The following TOR1AIP1 variants were observed in gnomAD, a reference collection of about 807,000 sequenced individuals.
The protein encoded by TOR1AIP1 is torsin-1A-interacting protein 1.
TOR1AIP1 carries 54 observed loss-of-function variants against 63.3 expected under a neutral mutation model. The ratio of observed to expected loss-of-function variants is 0.85; its 90% confidence interval spans 0.69 to 1.07. TOR1AIP1 has a LOEUF of 1.07. TOR1AIP1 is among the 50% of genes least tolerant of loss of function. TOR1AIP1 has a pLI of 0.00. For synonymous variants in TOR1AIP1, 294 were observed against 273.5 expected (o/e 1.07, Z -0.74); for missense variants, 736 against 715.0 (o/e 1.03, Z -0.33).
intron 5 of TOR1AIP1, among the ~76,000 whole-genome samples, chr1:179,903,511 CT>C (rs763903698): frequency 2.2e-3 from 306 of 141,500 alleles, no homozygotes; most frequent in Middle Eastern, 7.1e-3. Context: ...CTTTTTTAAC[CT>C]TTTTTTTTTT....
chr1:179,899,911 C>A (rs932126559), intron 3 of TOR1AIP1, among the ~76,000 whole-genome samples: 1 of 152,228 alleles, frequency 6.6e-6, no homozygotes, highest in Non-Finnish European at 1.5e-5. Flanking sequence ...TCCCAAAGTG[C>A]CGGGATTATA....
chr1:179,890,196 A>G (rs980860117), intron 3 of TOR1AIP1, among the ~76,000 whole-genome samples: 3 of 152,186 alleles, frequency 2.0e-5, no homozygotes, highest in South Asian at 4.1e-4. Flanking sequence ...TTTGACTAAA[A>G]CGATTAAAAG....
chr1:179,917,265 C>T (rs977232566), intron 9 of TOR1AIP1, among the ~76,000 whole-genome samples, 187 bp from the exon 10 acceptor site: 1 of 152,042 alleles, frequency 6.6e-6, no homozygotes, highest in Non-Finnish European at 1.5e-5. Flanking sequence ...AATTCAAAGC[C>T]TATGCATGTA....
Position 179,882,351 on chromosome 1 carries a change from C to T in TOR1AIP1, c.-152C>T. ...AGGCAGGTTTGCTACACAGCAGCGA[C>T]GACGCAGGCGGCGGCCCCAGCGACT... is the stretch of plus-strand genomic sequence containing the variant. On this transcript the variant is annotated 5_prime_UTR_variant, in exon 1 of 10. In the 5' UTR this introduces an upstream ATG that the reference lacks. Coordinates refer to ENST00000606911, the MANE Select transcript of TOR1AIP1 (RefSeq NM_015602.4). The T allele has an allele frequency of 2.8e-6, 2 of 712,910 alleles. No individual in the cohort carries two copies. Among genetic ancestry groups the T allele is most frequent in the Non-Finnish European group, 4.2e-6 (2 of 478,908 alleles). 44.2% of individuals were successfully genotyped at this position (712,910 alleles called of 1,614,324 possible). A position where few individuals can be genotyped will look rare whatever the true frequency, so the allele number is the denominator to read the frequency against.
At chr1:179,884,667 A>G in intron 1 of TOR1AIP1, 25 bp from the exon 2 acceptor site, 2 of 1,580,712 alleles carry the variant, frequency 1.3e-6, no homozygotes, top group Non-Finnish European at 1.7e-6. Flanking sequence ...TCTGAATTTT[A>G]ACTCTTGTTA....
chr1:179,888,938 T>C (rs1280783377), intron 2 of TOR1AIP1, among the ~76,000 whole-genome samples: 1 of 152,198 alleles, frequency 6.6e-6, no homozygotes, highest in East Asian at 1.9e-4. Context: ...ATTCCATAAA[T>C]AATCCACAAT....
At chr1:179,896,989 A>G (rs1016063045) in intron 3 of TOR1AIP1, among the ~76,000 whole-genome samples, 2 of 152,204 alleles carry the variant, frequency 1.3e-5, no homozygotes, top group Admixed American at 6.5e-5. Flanking sequence ...GGGGATTATT[A>G]TTATTTAAGA....
chr1:179,912,011 CTTTTTT>C (rs760415120), intron 8 of TOR1AIP1, among the ~76,000 whole-genome samples: 1 of 45,896 alleles, frequency 2.2e-5, no homozygotes. Context: ...TCTTTTTTTT[CTTTTTT>C]TTTTCTTTTT....
chr1:179,896,448 CT>C (rs1463005820), intron 3 of TOR1AIP1, among the ~76,000 whole-genome samples: 2 of 144,842 alleles, frequency 1.4e-5, no homozygotes, highest in African/African-American at 5.1e-5. Flanking sequence ...AGTGACCGAC[CT>C]AAGTGCTAGG....
In TOR1AIP1 at chr1:179,918,235, T is replaced by G; in HGVS notation, c.1748T>G (p.Leu583Ter). ...AATGCCCTGAAAAGGGGCATCTGCTTATAAGAAGTGAGAGAGAAGAAAAAT... is the reference window on the plus strand; with the variant it reads ...AATGCCCTGAAAAGGGGCATCTGCTGATAAGAAGTGAGAGAGAAGAAAAAT... Reference protein sequence around the residue: ...PENALKRGICL With the variant: ...PENALKRGIC Residue 583 changes from leucine (L) to a stop codon, truncating the protein, a stop_gained, in exon 10 of 10, where the codon TTA (leucine) becomes TGA (stop). Transcript: ENST00000606911. LOFTEE classifies it high-confidence loss of function. 1 of 1,583,932 alleles carries G rather than the reference T, an allele frequency of 6.3e-7. No individual in the cohort carries two copies. Among genetic ancestry groups the G allele is most frequent in the Non-Finnish European group, 8.5e-7 (1 of 1,172,950 alleles).
At chr1:179,892,237 T>C (rs1327269422) in intron 3 of TOR1AIP1, among the ~76,000 whole-genome samples, 1 of 151,968 alleles carries the variant, frequency 6.6e-6, no homozygotes, top group Non-Finnish European at 1.5e-5. Context: ...TTTGGGAGGC[T>C]GAGGTGGGCA....
At chr1:179,904,418 T>C (rs1415977690) in intron 6 of TOR1AIP1, among the ~76,000 whole-genome samples, 1 of 152,190 alleles carries the variant, frequency 6.6e-6, no homozygotes, top group Non-Finnish European at 1.5e-5. Context: ...TTTGGAAGGA[T>C]GAATAAATAA....
Position 179,882,745 on chromosome 1 carries a change from G to C in TOR1AIP1, c.243G>C (p.Val81=), listed in dbSNP as rs780446434. 31 of 1,614,174 alleles carry C rather than the reference G, an allele frequency of 1.9e-5. No homozygotes were observed. Among genetic ancestry groups the C allele is most frequent in the South Asian group, 1.8e-4 (16 of 91,078 alleles). The stretch of plus-strand genomic sequence containing the variant: ...TGGTGGCCAAAGAAAGGTCCCCGGT[G>C]GGAAAACGAACCCGGCTAGAAGAGT... The part of the protein sequence containing the change: ...EPLVAKERSP[V]GKRTRLEEFR... Residue 81 remains valine, a synonymous_variant, in exon 1 of 10, where the codon GTG becomes GTC. Coordinates refer to ENST00000606911, the MANE Select transcript of TOR1AIP1 (RefSeq NM_015602.4).
At chr1:179,900,322 C>T (rs1648409983) in intron 4 of TOR1AIP1, 155 bp downstream of exon 4, 1 of 498,682 alleles carries the variant, frequency 2.0e-6, no homozygotes, top group Non-Finnish European at 3.7e-6. Context: ...GCAGGAAGAT[C>T]ACTTAAGTCC....
At position 179,882,475 on chromosome 1, in the gene TOR1AIP1, G is replaced by C; in HGVS notation, c.-28G>C. The C allele has an allele frequency of 7.0e-7, 1 of 1,418,718 alleles. No homozygotes were observed. The highest frequency in any genetic ancestry group is 1.6e-5 in the South Asian group (1 of 61,222). The allele number at this position is 1,418,718 out of a possible 1,614,324, so 87.9% of individuals were successfully genotyped here. On this transcript the variant is annotated 5_prime_UTR_variant, in exon 1 of 10. Coordinates refer to ENST00000606911, the MANE Select transcript of TOR1AIP1 (RefSeq NM_015602.4). ...ACCTAGGGTCCATAAAGCCATCTTC[G>C]CGATCGACTAAAGCTACGTCAACAA...
intron 7 of TOR1AIP1, 30 bp from the exon 8 acceptor site, chr1:179,908,575 A>AT (rs1648725762): frequency 6.3e-7 from 1 of 1,585,362 alleles, no homozygotes; most frequent in Non-Finnish European, 8.6e-7. Flanking sequence ...AGTATGGGAA[A>AT]TTATCTTTTG....
chr1:179,895,209 A>G lies in TOR1AIP1; in HGVS notation c.611-4917A>G, dbSNP rs148201153. On this transcript the variant is annotated intron_variant, in intron 3 of 9. Transcript: ENST00000606911. Reference sequence around the variant, plus strand: ...TATATTTGCTAAAGCCACAGCCTTTATGATTTCTTTAATAATGTTTTAATA... The same window carrying G: ...TATATTTGCTAAAGCCACAGCCTTTGTGATTTCTTTAATAATGTTTTAATA... Among the ~76,000 whole-genome samples, 1,057 of 152,344 alleles carry G rather than the reference A, an allele frequency of 6.9e-3. 8 individuals are homozygous for G. The highest frequency in any genetic ancestry group is 0.011 in the Non-Finnish European group (741 of 68,028).
chr1:179,900,565 TAA>T (rs66464156), intron 4 of TOR1AIP1: 85,633 of 145,362 alleles, frequency 0.59, 25,414 homozygotes, highest in East Asian at 0.76. Context: ...GCCCATCTCT[TAA>T]AAAAAAAAAA....
chr1:179,886,810 T>C (rs1647922085), intron 2 of TOR1AIP1, among the ~76,000 whole-genome samples: 1 of 152,218 alleles, frequency 6.6e-6, no homozygotes, highest in Admixed American at 6.5e-5. Flanking sequence ...GTTTTCTTCC[T>C]CTAAAAGGTG....
Sources: allele counts gnomAD v4.1 joint callset (sites outside exome capture counted in the v4.1 genomes callset), GRCh38; gene constraint gnomAD v4.1.1; transcripts MANE v1.5; gene names NCBI Gene and HGNC (gene_info 2026-07-23, HGNC 2026-07-21).